CRACDL: variants seen among roughly 807,000 people sequenced by gnomAD.
CRACDL encodes CRACD-like protein.
Under a neutral mutation model 70.6 loss-of-function variants are expected in CRACDL, and 26 were observed. That is an observed-to-expected ratio of 0.37 (90% CI 0.27 to 0.51). CRACDL has a LOEUF of 0.51. CRACDL is among the 20% of genes least tolerant of loss of function. CRACDL has a pLI of 0.94. For synonymous variants in CRACDL, 618 were observed against 615.2 expected, an observed-to-expected ratio of 1.00 and a Z score of -0.07; for missense variants, 1,283 against 1,376.9, an observed-to-expected ratio of 0.93 and a Z score of 1.08.
chr2:98,897,558 G>A (rs998466136), intron 1 of CRACDL: 16 of 300,174 alleles, frequency 5.3e-5, no homozygotes, highest in African/African-American at 3.3e-4. Flanking sequence ...CCTAAAGTAG[G>A]GAGGTTCCAT....
At chr2:98,910,336 G>A (rs1187282897) in intron 1 of CRACDL, among the ~76,000 whole-genome samples, 2 of 151,800 alleles carry the variant, frequency 1.3e-5, no homozygotes, top group South Asian at 2.1e-4. Flanking sequence ...CCTGACCAAC[G>A]TGGTGAAACC....
At chr2:98,912,961 T>C (rs1708580608) in intron 1 of CRACDL, 1 of 152,254 alleles carries the variant, frequency 6.6e-6, no homozygotes, top group South Asian at 2.1e-4. Flanking sequence ...CATATACTCA[T>C]AGCACACAAT....
At chr2:98,875,908 C>T (rs962461038) in intron 1 of CRACDL, among the ~76,000 whole-genome samples, 24 of 152,330 alleles carry the variant, frequency 1.6e-4, no homozygotes, top group African/African-American at 5.3e-4. Context: ...CGATTTGCCC[C>T]GGTGGGGCTG....
At chr2:98,932,958 G>A (rs1368006282) in intron 1 of CRACDL, among the ~76,000 whole-genome samples, 1 of 152,202 alleles carries the variant, frequency 6.6e-6, no homozygotes, top group Non-Finnish European at 1.5e-5. Context: ...CCACCTGGAG[G>A]AGCAGGGGTG....
rs368272129 is a variant in CRACDL, at chr2:98,821,942, G to C, written c.2331C>G (p.Pro777=). 2 of 1,555,778 alleles carry C rather than the reference G, an allele frequency of 1.3e-6. No homozygotes were observed. The highest frequency in any genetic ancestry group is 1.7e-6 in the Non-Finnish European group (2 of 1,154,526). ...CTCCCGGGCCGGCGTCGGGGGGCGCGGGCTGGTGCGGGAGCGTGAAGCTCT... is the reference window on the plus strand; with the variant it reads ...CTCCCGGGCCGGCGTCGGGGGGCGCCGGCTGGTGCGGGAGCGTGAAGCTCT... ...LLQSFTLPHQ[P]APPDAGPGER... The change falls in exon 7 of 10, where the codon CCC becomes CCG. Residue 777 remains proline, a synonymous_variant. Transcript: ENST00000397899.
chr2:98,856,781 C>T (rs1310883862), intron 1 of CRACDL, among the ~76,000 whole-genome samples: 1 of 152,200 alleles, frequency 6.6e-6, no homozygotes, highest in Non-Finnish European at 1.5e-5. Context: ...AGGCTGTGAA[C>T]ATCATGCCCA....
At chr2:98,917,363 G>T (rs1001478344) in intron 1 of CRACDL, among the ~76,000 whole-genome samples, 1 of 152,186 alleles carries the variant, frequency 6.6e-6, no homozygotes, top group African/African-American at 2.4e-5. Flanking sequence ...CCAGGATAAA[G>T]GGAGGAATTC....
chr2:98,928,136 A>G (rs1265371269), intron 1 of CRACDL, among the ~76,000 whole-genome samples: 3 of 152,106 alleles, frequency 2.0e-5, no homozygotes, highest in African/African-American at 7.2e-5. Flanking sequence ...AGTGATCAGA[A>G]ATGGCGCCAC....
chr2:98,867,425 G>A (rs1041071491), intron 1 of CRACDL, among the ~76,000 whole-genome samples: 3 of 152,060 alleles, frequency 2.0e-5, no homozygotes, highest in Non-Finnish European at 4.4e-5. Context: ...TCATGTCTTA[G>A]ACTGCAAAGC....
At chr2:98,878,786 G>A (rs1042020204) in intron 1 of CRACDL, among the ~76,000 whole-genome samples, 22 of 152,248 alleles carry the variant, frequency 1.4e-4, no homozygotes, top group African/African-American at 5.1e-4. Flanking sequence ...ACTGAGAGGC[G>A]CCCAGCATCA....
At chr2:98,916,120 T>C (rs1215357230) in intron 1 of CRACDL, among the ~76,000 whole-genome samples, 5 of 152,190 alleles carry the variant, frequency 3.3e-5, no homozygotes, top group African/African-American at 1.2e-4. Context: ...AAGTGATTCA[T>C]TGGATTAGAA....
chr2:98,847,713 T>C (rs1036761777), intron 1 of CRACDL, among the ~76,000 whole-genome samples: 7 of 152,254 alleles, frequency 4.6e-5, no homozygotes, highest in Non-Finnish European at 1.5e-5. Context: ...TCTACCTCCA[T>C]ATACTATCAC....
intron 1 of CRACDL, among the ~76,000 whole-genome samples, chr2:98,895,642 G>A (rs1708101041): frequency 6.6e-6 from 1 of 152,158 alleles, no homozygotes; most frequent in Non-Finnish European, 1.5e-5. Flanking sequence ...CCATGCTAAG[G>A]TGTTTGGATT....
chr2:98,914,573 T>G (rs1708623774), intron 1 of CRACDL, among the ~76,000 whole-genome samples: 1 of 152,186 alleles, frequency 6.6e-6, no homozygotes, highest in Non-Finnish European at 1.5e-5. Context: ...CAAGGGAGAC[T>G]TTTTTAAAGA....
chr2:98,808,650 AC>A (rs1704423728), intron 7 of CRACDL, among the ~76,000 whole-genome samples: 1 of 151,980 alleles, frequency 6.6e-6, no homozygotes, highest in Admixed American at 6.5e-5. Flanking sequence ...ATGGGTCCAC[AC>A]TGTTGCCACC....
At chr2:98,799,428 T>C (rs1003764051) in intron 7 of CRACDL, among the ~76,000 whole-genome samples, 3 of 152,100 alleles carry the variant, frequency 2.0e-5, no homozygotes, top group Admixed American at 2.0e-4. Flanking sequence ...GGACCTCCCC[T>C]GGCCCTGGCA....
At chr2:98,903,411 A>C (rs543715886) in intron 1 of CRACDL, among the ~76,000 whole-genome samples, 1 of 152,292 alleles carries the variant, frequency 6.6e-6, no homozygotes, top group South Asian at 2.1e-4. Flanking sequence ...GCTTGTAAAA[A>C]TTCCCTGATT....
At chr2:98,903,598 G>A (rs1165761212) in intron 1 of CRACDL, among the ~76,000 whole-genome samples, 1 of 152,154 alleles carries the variant, frequency 6.6e-6, no homozygotes, top group African/African-American at 2.4e-5. Context: ...GGAGACAGAT[G>A]ATTTAAACTA....
At chr2:98,923,523 C>T (rs748592634) in intron 1 of CRACDL, among the ~76,000 whole-genome samples, 13 of 152,188 alleles carry the variant, frequency 8.5e-5, no homozygotes, top group Admixed American at 1.3e-4. Context: ...GTCATACCCA[C>T]TTCTTTGAGA....
Sources: gnomAD v4.1 joint callset for allele counts (sites outside exome capture counted in the v4.1 genomes callset) on GRCh38, gnomAD v4.1.1 for gene constraint, MANE v1.5 for transcripts, NCBI Gene and HGNC (gene_info 2026-07-23, HGNC 2026-07-21) for gene names.